SOCS2: variants seen among roughly 807,000 people sequenced by gnomAD.
SOCS2 encodes the protein CIS-2.
In SOCS2, 10 loss-of-function variants were observed where a neutral mutation model predicts 18.6. The ratio of observed to expected loss-of-function variants is 0.54; its 90% CI spans 0.33 to 0.91. SOCS2 has a LOEUF of 0.91. SOCS2 is among the 40% of genes least tolerant of loss of function. The pLI is 0.02. For synonymous variants in SOCS2, 104 were observed against 104.0 expected (o/e 1.00, Z 0.00); for missense variants, 231 against 247.2 (o/e 0.93, Z 0.44).
chr12:93,572,831 G>A lies in SOCS2; in HGVS notation c.-67G>A. 6.5e-7 allele frequency: 1 copy of A among 1,549,498 alleles called. No homozygotes were observed. Among genetic ancestry groups the A allele is most frequent in the Non-Finnish European group, 8.7e-7 (1 of 1,145,520 alleles). ...TGGGATTCGCACTGACTTCAAGGAA[G>A]GACGCGAACCCTTCTCTGACCCCAG... is the stretch of plus-strand genomic sequence containing the variant. On this transcript the variant is annotated 5_prime_UTR_variant, in exon 1 of 2. Transcript: ENST00000551556. The surrounding 1 kb of genome is among the most constrained non-coding windows in gnomAD (Gnocchi z 5.0).
At chr12:93,612,326 C>T in the SOCS2 span, among the ~76,000 whole-genome samples, 2,320 of 152,190 alleles carry the variant, frequency 0.015, 72 homozygotes, top group African/African-American at 0.053. Flanking sequence ...GTATCATGCA[C>T]CTGTCCTTTG....
At chr12:93,571,886 C>A (rs1007604812), upstream of SOCS2, 5 of 400,148 alleles carry the variant, frequency 1.2e-5, no homozygotes, top group African/African-American at 1.1e-4. Flanking sequence ...GGTGCGGAGG[C>A]GGCGGCGGCG....
chr12:93,607,153 G>C, the SOCS2 span, among the ~76,000 whole-genome samples: 1 of 152,084 alleles, frequency 6.6e-6, no homozygotes. Context: ...TAAAATATGT[G>C]TTCTTTTTCT....
the SOCS2 span, among the ~76,000 whole-genome samples, chr12:93,608,728 T>TA: frequency 6.6e-6 from 1 of 152,196 alleles, no homozygotes; most frequent in East Asian, 1.9e-4. Context: ...TTCTACCTTC[T>TA]AAAAATCACC....
chr12:93,614,470 CCTTCCTTCCT>C, the SOCS2 span, among the ~76,000 whole-genome samples: 2 of 89,868 alleles, frequency 2.2e-5, no homozygotes, highest in African/African-American at 1.3e-4. Flanking sequence ...TTCCTTCCTT[CCTTCCTTCCT>C]TTCCTTCCTT....
At position 93,574,819 on chromosome 12, in the gene SOCS2, C is replaced by G. The variant is rs1954407367; in HGVS notation, c.237C>G (p.Asp79Glu). The change falls in exon 2 of 2, where the codon GAC (aspartate) becomes GAG (glutamate). Residue 79 changes from aspartate to glutamate, a missense_variant. Around this residue, in one of 3 missense-constraint regions of SOCS2, gnomAD observed 106 missense variants for 103.8 expected, o/e 1.02. Transcript: ENST00000551556. ...TFLIRDSSHS[D>E]YLLTISVKTS... is the part of the protein sequence containing the mutation. ...TGATTAGAGATAGCTCGCATTCAGA[C>G]TACCTACTAACAATATCTGTTAAAA... 1 of 1,614,164 alleles carries G rather than the reference C, an allele frequency of 6.2e-7. No homozygotes were observed. The highest frequency in any genetic ancestry group is 8.5e-7 in the Non-Finnish European group (1 of 1,180,000).
chr12:93,613,066 G>A, the SOCS2 span, among the ~76,000 whole-genome samples: 2 of 152,174 alleles, frequency 1.3e-5, no homozygotes, highest in Non-Finnish European at 2.9e-5. Context: ...CAGGAACTCC[G>A]GCACTTCTTT....
At position 93,572,701 on chromosome 12, in the gene SOCS2, C is replaced by A; in HGVS notation, c.-197C>A. 1 of 779,458 alleles carries A rather than the reference C, an allele frequency of 1.3e-6. No individual in the cohort carries two copies. Among genetic ancestry groups the A allele is most frequent in the East Asian group, 2.7e-5 (1 of 37,528 alleles). 48.3% of individuals were successfully genotyped at this position (779,458 alleles called of 1,614,324 possible). On this transcript the variant is annotated 5_prime_UTR_variant, in exon 1 of 2. Transcript: ENST00000551556. The surrounding 1 kb of genome is among the most constrained non-coding windows in gnomAD (Gnocchi z 5.0). ...TCTTTGTAGGCGATCAGTGGGTGAC[C>A]GCGGCTGCGAGGGACTTTGTCATCC...
chr12:93,603,733 C>T, the SOCS2 span, among the ~76,000 whole-genome samples: 1 of 152,042 alleles, frequency 6.6e-6, no homozygotes. Flanking sequence ...TAATGCTTGA[C>T]AATTTAAAGG....
chr12:93,579,956 T>C (rs2136710397), downstream of SOCS2, among the ~76,000 whole-genome samples: 1 of 152,358 alleles, frequency 6.6e-6, no homozygotes, highest in Non-Finnish European at 1.5e-5. Context: ...TTATAGGCAT[T>C]CTGACTTGCC....
At chr12:93,573,418 C>T in intron 1 of SOCS2, 1 of 420,482 alleles carries the variant, frequency 2.4e-6, no homozygotes, top group Non-Finnish European at 4.2e-6. Flanking sequence ...GCCCCGCAGG[C>T]CCAGCAGCAT....
downstream of SOCS2, among the ~76,000 whole-genome samples, chr12:93,578,682 G>GCA (rs10594657): frequency 0.16 from 23,774 of 146,460 alleles, 2,363 homozygotes; most frequent in African/African-American, 0.29. Flanking sequence ...TTGCATGCTC[G>GCA]CACACACACA....
At chr12:93,618,351 T>C in the SOCS2 span, among the ~76,000 whole-genome samples, 1 of 152,142 alleles carries the variant, frequency 6.6e-6, no homozygotes, top group African/African-American at 2.4e-5. Context: ...AATCAGAAGA[T>C]GATAGTTTTT....
the SOCS2 span, among the ~76,000 whole-genome samples, chr12:93,619,575 A>G: frequency 1.3e-5 from 2 of 152,212 alleles, no homozygotes; most frequent in East Asian, 3.8e-4. Flanking sequence ...TGGGCATCAT[A>G]TATAAATAAT....
chr12:93,571,663 G>A (rs1308288215), upstream of SOCS2: 1 of 242,230 alleles, frequency 4.1e-6, no homozygotes, highest in Non-Finnish European at 8.4e-6. Flanking sequence ...GGATGGGGTC[G>A]AGGCAATGAT....
the SOCS2 span, among the ~76,000 whole-genome samples, chr12:93,607,018 C>T: frequency 6.6e-6 from 1 of 152,102 alleles, no homozygotes; most frequent in Admixed American, 6.5e-5. Flanking sequence ...TTGGGTGTTG[C>T]CTAATCAGAA....
At chr12:93,574,507 C>T (rs1327921242) in intron 1 of SOCS2, 4 of 409,748 alleles carry the variant, frequency 9.8e-6, no homozygotes, top group Non-Finnish European at 1.7e-5. Context: ...AGAAAACTGG[C>T]TCGCCGTTTG....
chr12:93,602,878 A>G, the SOCS2 span, among the ~76,000 whole-genome samples: 1 of 152,232 alleles, frequency 6.6e-6, no homozygotes, highest in Non-Finnish European at 1.5e-5. Context: ...ACTCACAGCC[A>G]GGTTGTCATC....
In SOCS2 at chr12:93,572,686, CGATCAGTGGGTGACCGCGGCT is replaced by C; in HGVS notation, c.-210_-190del. 1 of 733,776 alleles carries C rather than the reference CGATCAGTGGGTGACCGCGGCT, an allele frequency of 1.4e-6. No homozygotes were observed. Among genetic ancestry groups the C allele is most frequent in the Non-Finnish European group, 2.4e-6 (1 of 415,014 alleles). 45.5% of individuals were successfully genotyped at this position (733,776 alleles called of 1,614,324 possible). ...CAACCTCCCGCTTTCTCTTTGTAGG[CGATCAGTGGGTGACCGCGGCT>C]GCGAGGGACTTTGTCATCCGTCCTC... On this transcript the variant is annotated 5_prime_UTR_variant, in exon 1 of 2. Transcript: ENST00000551556. This position sits in a 1 kb window ranked among gnomAD's most constrained non-coding sequence, Gnocchi z 5.0.
Sources: gnomAD v4.1 joint callset for allele counts (sites outside exome capture counted in the v4.1 genomes callset) on GRCh38, gnomAD v4.1.1 for gene constraint, gnomAD v4.1.1 regional missense constraint, Gnocchi (gnomAD v3.1) non-coding constraint, MANE v1.5 for transcripts, NCBI Gene and HGNC (gene_info 2026-07-23, HGNC 2026-07-21) for gene names.